The following GLI2 variants were observed in gnomAD, a reference collection of about 807,000 sequenced individuals.
The protein encoded by GLI2 is GLI family zinc finger 2.
GLI2 carries 22 observed loss-of-function variants against 78.9 expected under a neutral mutation model. The ratio of observed to expected loss-of-function variants is 0.28; its 90% confidence interval spans 0.20 to 0.40. The LOEUF (loss-of-function observed/expected upper bound fraction) is 0.40. Among genes scored for constraint, GLI2 ranks in the 10% least tolerant of loss-of-function variants. GLI2 has a pLI of 1.00. For missense variants in GLI2, 2,097 were observed against 2,213.2 expected (o/e 0.95, Z 1.05); for synonymous variants, 974 against 963.7 (o/e 1.01, Z -0.20).
chr2:120,743,371 A>T (rs1405148821), intron 1 of GLI2, among the ~76,000 whole-genome samples: 1 of 152,122 alleles, frequency 6.6e-6, no homozygotes, highest in Non-Finnish European at 1.5e-5. Context: ...GGGGAGGCTG[A>T]GGTGGGAGGA....
At chr2:120,953,765 C>T (rs549369415) in intron 4 of GLI2, among the ~76,000 whole-genome samples, 3 of 152,194 alleles carry the variant, frequency 2.0e-5, no homozygotes, top group African/African-American at 7.2e-5. Flanking sequence ...GTGGGAGGAT[C>T]GCTTGAGCCC....
At position 120,737,505 on chromosome 2, in the gene GLI2, C is replaced by G. The variant is rs1316259772; in HGVS notation, c.-31+1220C>G. ...TCCCAGCTGGAAAAGTAGACCTGTCCCTACTGTCTGGTCCCGCGCCCTGGG... is the reference window on the plus strand; with the variant it reads ...TCCCAGCTGGAAAAGTAGACCTGTCGCTACTGTCTGGTCCCGCGCCCTGGG... On this transcript the variant is annotated intron_variant, in intron 1 of 13. Transcript: ENST00000361492. The surrounding 1 kb of genome is among the most constrained non-coding windows in gnomAD (Gnocchi z 4.3). Among the ~76,000 whole-genome samples, 1 of 152,138 alleles carries G rather than the reference C, an allele frequency of 6.6e-6. No homozygotes were observed. Among genetic ancestry groups the G allele is most frequent in the Non-Finnish European group, 1.5e-5 (1 of 68,022 alleles).
chr2:120,841,495 G>T (rs1686867333), intron 2 of GLI2, among the ~76,000 whole-genome samples: 2 of 152,224 alleles, frequency 1.3e-5, no homozygotes, highest in African/African-American at 4.8e-5. Context: ...TGCTATTTTT[G>T]TAATGGCAGT....
intron 3 of GLI2, among the ~76,000 whole-genome samples, chr2:120,945,214 C>T (rs1194383261): frequency 1.3e-5 from 2 of 152,258 alleles, no homozygotes; most frequent in African/African-American, 4.8e-5. Context: ...TCCACTGCAG[C>T]GGAGTCAGCC....
chr2:120,981,956 A>G (rs1682734367), intron 10 of GLI2, among the ~76,000 whole-genome samples: 1 of 152,224 alleles, frequency 6.6e-6, no homozygotes, highest in African/African-American at 2.4e-5. Flanking sequence ...GTATTCTAGT[A>G]AGAAGGCTGG....
At chr2:120,908,031 G>A (rs1182229401) in intron 2 of GLI2, among the ~76,000 whole-genome samples, 1 of 152,192 alleles carries the variant, frequency 6.6e-6, no homozygotes, top group East Asian at 1.9e-4. Flanking sequence ...CTGTCCTCAG[G>A]AGCCCTGGTG....
intron 2 of GLI2, among the ~76,000 whole-genome samples, chr2:120,802,716 G>C (rs758101573): frequency 6.6e-6 from 1 of 152,164 alleles, no homozygotes; most frequent in Non-Finnish European, 1.5e-5. Context: ...AGCTGGGTCT[G>C]ATCTCATGAG....
chr2:120,873,944 T>C (rs1299069214), intron 2 of GLI2, among the ~76,000 whole-genome samples: 3 of 152,196 alleles, frequency 2.0e-5, no homozygotes, highest in Non-Finnish European at 2.9e-5. Context: ...AACACCCATG[T>C]TGTGGCCAGA....
At chr2:120,915,980 T>C (rs1679077851) in intron 2 of GLI2, among the ~76,000 whole-genome samples, 1 of 152,206 alleles carries the variant, frequency 6.6e-6, no homozygotes, top group Non-Finnish European at 1.5e-5. Flanking sequence ...CGCATGGACA[T>C]GATAAATGAT....
chr2:120,755,793 C>T (rs1466103496), intron 1 of GLI2, among the ~76,000 whole-genome samples: 1 of 151,922 alleles, frequency 6.6e-6, no homozygotes, highest in East Asian at 1.9e-4. Flanking sequence ...TATCAAAGTT[C>T]TTTTAAAAAA....
chr2:120,805,914 A>G (rs1468028107), intron 2 of GLI2, among the ~76,000 whole-genome samples: 1 of 152,244 alleles, frequency 6.6e-6, no homozygotes. Flanking sequence ...TGTGCCAGGC[A>G]TGCACTATTA....
At chr2:120,970,679 C>T (rs939158902) in intron 7 of GLI2, 73 bp downstream of exon 7, 3 of 1,274,438 alleles carry the variant, frequency 2.4e-6, no homozygotes, top group Non-Finnish European at 3.4e-6. Flanking sequence ...ACTGCCAGCT[C>T]ATGCTAAGAA....
intron 2 of GLI2, among the ~76,000 whole-genome samples, chr2:120,849,400 T>C (rs1330195586): frequency 6.6e-6 from 1 of 152,216 alleles, no homozygotes; most frequent in Non-Finnish European, 1.5e-5. Context: ...ACCTCCCATA[T>C]AGAATGACTA....
chr2:120,961,651 G>T (rs1324066728), intron 5 of GLI2, among the ~76,000 whole-genome samples: 1 of 152,184 alleles, frequency 6.6e-6, no homozygotes, highest in Non-Finnish European at 1.5e-5. Context: ...GGGTGAGAGG[G>T]CTGTGGATGG....
intron 2 of GLI2, among the ~76,000 whole-genome samples, chr2:120,900,368 C>T (rs1351745493): frequency 6.6e-6 from 1 of 152,186 alleles, no homozygotes; most frequent in African/African-American, 2.4e-5. Flanking sequence ...TGGGAGTCTT[C>T]ATTTTAAACA....
chr2:120,845,320 A>G (rs1207267317), intron 2 of GLI2, among the ~76,000 whole-genome samples: 1 of 152,190 alleles, frequency 6.6e-6, no homozygotes, highest in Admixed American at 6.5e-5. Flanking sequence ...TTGGAAATGC[A>G]AACAGCGCTA....
intron 1 of GLI2, among the ~76,000 whole-genome samples, chr2:120,783,496 C>T (rs915233126): frequency 1.1e-4 from 16 of 151,942 alleles, no homozygotes; most frequent in Admixed American, 2.6e-4. Context: ...CAAAAGGCCA[C>T]GGGAACAAAA....
chr2:120,798,255 C>T (rs550114119), intron 2 of GLI2, among the ~76,000 whole-genome samples: 2 of 152,238 alleles, frequency 1.3e-5, no homozygotes, highest in South Asian at 2.1e-4. Context: ...TTTCTTCCGG[C>T]GGGCGCTTGG....
At position 120,988,277 on chromosome 2, in the gene GLI2, T is replaced by G. The variant is rs1328044438; in HGVS notation, c.2312T>G (p.Leu771Arg). Residue 771 changes from leucine (L) to arginine (R), a missense_variant, in exon 14 of 14, where the codon CTG becomes CGG. Coordinates refer to ENST00000361492, the MANE Select transcript of GLI2 (RefSeq NM_001374353.1). ...GCGGGGCTGCTGCCGAACCCGCGGC[T>G]GTCGGAGCTGTCCGCGAGCGAGGTG... is the stretch of plus-strand genomic sequence containing the variant. ...GPAGLLPNPR[L>R]SELSASEVTM... 6.4e-7 allele frequency: 1 copy of G among 1,567,506 alleles called. No individual in the cohort carries two copies. Among genetic ancestry groups the G allele is most frequent in the Admixed American group, 1.8e-5 (1 of 55,898 alleles).
Sources: gnomAD v4.1 joint callset for allele counts (sites outside exome capture counted in the v4.1 genomes callset) on GRCh38, gnomAD v4.1.1 for gene constraint, Gnocchi (gnomAD v3.1) non-coding constraint, MANE v1.5 for transcripts, NCBI Gene and HGNC (gene_info 2026-07-23, HGNC 2026-07-21) for gene names.